VWC2L: variants seen among roughly 807,000 people sequenced by gnomAD.
VWC2L encodes von Willebrand factor C domain-containing protein 2-like.
VWC2L carries 10 observed loss-of-function variants against 21.6 expected under a neutral mutation model. The observed-to-expected ratio is 0.46, with a 90% CI of 0.29 to 0.78. The LOEUF is 0.78. VWC2L is among the 30% of genes least tolerant of loss of function. The pLI, the probability that VWC2L is intolerant of heterozygous loss-of-function variation, is 0.10. For synonymous variants in VWC2L, 96 were observed against 94.3 expected (o/e 1.02, Z -0.10); for missense variants, 209 against 277.1 (o/e 0.75, Z 1.74).
At chr2:214,450,373 C>A (rs1702935402) in intron 3 of VWC2L, among the ~76,000 whole-genome samples, 1 of 150,724 alleles carries the variant, frequency 6.6e-6, no homozygotes, top group Non-Finnish European at 1.5e-5. Flanking sequence ...CTATGGTGAC[C>A]CTTCTAGCCT....
chr2:214,462,079 C>G (rs1703151651), intron 3 of VWC2L, among the ~76,000 whole-genome samples: 1 of 152,176 alleles, frequency 6.6e-6, no homozygotes, highest in African/African-American at 2.4e-5. Flanking sequence ...TGTGGAGAAG[C>G]TATTGGGGCC....
intron 3 of VWC2L, among the ~76,000 whole-genome samples, chr2:214,526,746 A>C (rs10189989): frequency 0.52 from 78,464 of 152,076 alleles, 20,490 homozygotes; most frequent in East Asian, 0.74. Flanking sequence ...GAACGCTTAT[A>C]CCATGCTGGT....
chr2:214,570,200 C>A (rs74524436), intron 3 of VWC2L, among the ~76,000 whole-genome samples: 1,952 of 152,272 alleles, frequency 0.013, 13 homozygotes, highest in Non-Finnish European at 0.019. Flanking sequence ...GAGCCCTGGG[C>A]TCTCCACAGC....
At chr2:214,445,479 A>C (rs1043811970) in intron 3 of VWC2L, among the ~76,000 whole-genome samples, 1 of 151,880 alleles carries the variant, frequency 6.6e-6, no homozygotes, top group Non-Finnish European at 1.5e-5. Flanking sequence ...CTAATGAGCC[A>C]GAAACTATAC....
At chr2:214,485,532 G>A (rs963665212) in intron 3 of VWC2L, among the ~76,000 whole-genome samples, 4 of 152,116 alleles carry the variant, frequency 2.6e-5, no homozygotes, top group Admixed American at 6.6e-5. Context: ...TAGATTGGCC[G>A]AAGAGATGAA....
chr2:214,575,564 G>C (rs1177996286), intron 3 of VWC2L, 108 bp from the exon 4 acceptor site: 14 of 1,208,532 alleles, frequency 1.2e-5, no homozygotes, highest in Admixed American at 2.0e-5. Context: ...TAAGTCAGTA[G>C]AGTAGTCTGA....
At chr2:214,556,051 G>A (rs770152537) in intron 3 of VWC2L, among the ~76,000 whole-genome samples, 11 of 151,926 alleles carry the variant, frequency 7.2e-5, no homozygotes, top group South Asian at 4.2e-4. Context: ...ATCAAGTCTC[G>A]GCAGATCACC....
intron 2 of VWC2L, among the ~76,000 whole-genome samples, chr2:214,426,731 T>A (rs1466797623): frequency 2.6e-5 from 4 of 152,250 alleles, no homozygotes; most frequent in African/African-American, 9.6e-5. Context: ...CTTACCAGCT[T>A]TGATTAATTC....
intron 3 of VWC2L, among the ~76,000 whole-genome samples, chr2:214,519,139 AAAGG>A (rs556387459): frequency 2.5e-3 from 383 of 152,354 alleles, no homozygotes; most frequent in Admixed American, 4.5e-3. Context: ...TTGAGGAATA[AAAGG>A]AAGGGAGGAA....
intron 3 of VWC2L, among the ~76,000 whole-genome samples, chr2:214,559,728 G>A (rs1043600305): frequency 6.6e-6 from 1 of 151,818 alleles, no homozygotes; most frequent in African/African-American, 2.4e-5. Flanking sequence ...TCTCATCTCA[G>A]CATCTCAAGT....
intron 3 of VWC2L, among the ~76,000 whole-genome samples, chr2:214,503,155 G>C (rs1688919073): frequency 6.6e-6 from 1 of 152,158 alleles, no homozygotes; most frequent in African/African-American, 2.4e-5. Context: ...ACTCCAGCAA[G>C]AGTTTTGACC....
At chr2:214,563,630 T>G (rs1179250670) in intron 3 of VWC2L, among the ~76,000 whole-genome samples, 4 of 150,462 alleles carry the variant, frequency 2.7e-5, no homozygotes, top group Non-Finnish European at 5.9e-5. Context: ...TCTAATCTGT[T>G]CCATTAACAT....
intron 3 of VWC2L, among the ~76,000 whole-genome samples, chr2:214,471,738 T>G (rs1366450682): frequency 3.3e-5 from 5 of 152,180 alleles, no homozygotes; most frequent in Middle Eastern, 3.2e-3. Context: ...AAATGGAGGT[T>G]TGGGGCTCTG....
chr2:214,567,176 T>C (rs1324308303), intron 3 of VWC2L, among the ~76,000 whole-genome samples: 1 of 152,166 alleles, frequency 6.6e-6, no homozygotes, highest in African/African-American at 2.4e-5. Flanking sequence ...AAGAGGAGCA[T>C]TAGGCAATAT....
intron 3 of VWC2L, among the ~76,000 whole-genome samples, chr2:214,516,375 G>T (rs1689143476): frequency 6.6e-6 from 1 of 152,066 alleles, no homozygotes; most frequent in African/African-American, 2.4e-5. Flanking sequence ...CTTGCCAGGA[G>T]CTGCTATGAG....
intron 3 of VWC2L, among the ~76,000 whole-genome samples, chr2:214,504,944 T>C (rs921490147): frequency 2.0e-5 from 3 of 152,212 alleles, no homozygotes; most frequent in Non-Finnish European, 4.4e-5. Flanking sequence ...CTTGCTCTCC[T>C]AAAATCCCAA....
chr2:214,429,778 A>T (rs1013042637), intron 2 of VWC2L, among the ~76,000 whole-genome samples: 2 of 152,026 alleles, frequency 1.3e-5, no homozygotes, highest in Non-Finnish European at 2.9e-5. Flanking sequence ...AATATATACT[A>T]AAGTATATTT....
intron 3 of VWC2L, among the ~76,000 whole-genome samples, chr2:214,487,862 A>G (rs551330894): frequency 5.3e-5 from 8 of 152,310 alleles, no homozygotes; most frequent in African/African-American, 1.9e-4. Flanking sequence ...GCTTTATTAG[A>G]ATAGGTAGAG....
At chr2:214,548,858 T>C (rs1689749391) in intron 3 of VWC2L, among the ~76,000 whole-genome samples, 1 of 152,210 alleles carries the variant, frequency 6.6e-6, no homozygotes, top group Admixed American at 6.5e-5. Flanking sequence ...TTCGGCATTA[T>C]CTACATGTTG....
Sources: allele counts gnomAD v4.1 joint callset (sites outside exome capture counted in the v4.1 genomes callset), GRCh38; gene constraint gnomAD v4.1.1; transcripts MANE v1.5; gene names NCBI Gene and HGNC (gene_info 2026-07-23, HGNC 2026-07-21).